PDCD1LG2: variants seen among roughly 807,000 people sequenced by gnomAD.
PDCD1LG2 encodes B7 dendritic cell molecule.
In PDCD1LG2, 32 loss-of-function variants were observed where a neutral mutation model predicts 28.2. That is an observed-to-expected ratio of 1.13 (90% CI 0.86 to 1.52). PDCD1LG2 has a LOEUF of 1.52. Ranked by LOEUF, PDCD1LG2 falls within the 40% of genes most tolerant of loss-of-function variation. PDCD1LG2 has a pLI of 0.00. For missense variants in PDCD1LG2, 385 were observed against 323.8 expected, an observed-to-expected ratio of 1.19 and a Z score of -1.45; for synonymous variants, 116 against 120.2, an observed-to-expected ratio of 0.97 and a Z score of 0.23.
At chr9:5,514,269 A>C (rs948268311) in intron 1 of PDCD1LG2, among the ~76,000 whole-genome samples, 2 of 152,212 alleles carry the variant, frequency 1.3e-5, no homozygotes, top group African/African-American at 4.8e-5. Flanking sequence ...AGTAAATACC[A>C]AGTAAATGTT....
At chr9:5,559,819 GC>G (rs1177530233) in intron 5 of PDCD1LG2, among the ~76,000 whole-genome samples, 1 of 152,138 alleles carries the variant, frequency 6.6e-6, no homozygotes, top group African/African-American at 2.4e-5. Flanking sequence ...GTTCCAACGA[GC>G]CCAGGATGGT....
chr9:5,528,114 G>T (rs897752648), intron 2 of PDCD1LG2, among the ~76,000 whole-genome samples: 11 of 151,686 alleles, frequency 7.3e-5, no homozygotes, highest in African/African-American at 2.7e-4. Flanking sequence ...ACAGGCATGA[G>T]CCACCACGCC....
At chr9:5,549,970 G>A (rs1289023305) in intron 4 of PDCD1LG2, among the ~76,000 whole-genome samples, 1 of 152,160 alleles carries the variant, frequency 6.6e-6, no homozygotes, top group Non-Finnish European at 1.5e-5. Flanking sequence ...CCTCCCATTG[G>A]CTGAACCCAG....
intron 3 of PDCD1LG2, among the ~76,000 whole-genome samples, chr9:5,538,242 C>A (rs772088678): frequency 6.6e-6 from 1 of 152,048 alleles, no homozygotes; most frequent in Non-Finnish European, 1.5e-5. Flanking sequence ...CAGTCTCATT[C>A]CCCTTTTTTA....
intron 3 of PDCD1LG2, among the ~76,000 whole-genome samples, chr9:5,547,392 G>A (rs754345094): frequency 2.0e-5 from 3 of 152,062 alleles, no homozygotes; most frequent in Admixed American, 6.6e-5. Flanking sequence ...ATATCAACAG[G>A]TGACTTTCCA....
chr9:5,525,962 G>A (rs755454492), intron 2 of PDCD1LG2, among the ~76,000 whole-genome samples: 5 of 150,700 alleles, frequency 3.3e-5, no homozygotes, highest in African/African-American at 4.9e-5. Flanking sequence ...CAGGAGAATC[G>A]CTTGAACCAG....
chr9:5,557,517 C>G, intron 4 of PDCD1LG2, 101 bp from the exon 5 acceptor site: 1 of 1,380,798 alleles, frequency 7.2e-7, no homozygotes, highest in Non-Finnish European at 1.0e-6. Flanking sequence ...AAATGCTCCA[C>G]AGAGCTAGCC....
chr9:5,561,926 A>G (rs1816571042), intron 5 of PDCD1LG2, among the ~76,000 whole-genome samples: 1 of 152,228 alleles, frequency 6.6e-6, no homozygotes, highest in African/African-American at 2.4e-5. Context: ...TGAAGCCAAC[A>G]TTCAAGAGCA....
intron 2 of PDCD1LG2, among the ~76,000 whole-genome samples, chr9:5,533,129 TTGAA>T (rs992100629): frequency 3.9e-5 from 6 of 152,244 alleles, no homozygotes; most frequent in Non-Finnish European, 5.9e-5. Context: ...AATGATTTGA[TTGAA>T]TGAATGAATA....
intron 2 of PDCD1LG2, among the ~76,000 whole-genome samples, chr9:5,528,709 T>C (rs1319171988): frequency 2.0e-5 from 3 of 152,232 alleles, no homozygotes; most frequent in Non-Finnish European, 4.4e-5. Flanking sequence ...GTTTAATTAT[T>C]GTTTATTTTC....
intron 4 of PDCD1LG2, among the ~76,000 whole-genome samples, chr9:5,553,995 C>G (rs900701241): frequency 8.5e-5 from 13 of 152,112 alleles, no homozygotes; most frequent in African/African-American, 3.1e-4. Context: ...ATTTCCCTCT[C>G]TACTAGCTCC....
In PDCD1LG2 at chr9:5,546,446, G is replaced by C. The variant is rs1483721375; in HGVS notation, c.362-2889G>C. 3.3e-5 allele frequency among the ~76,000 whole-genome samples: 5 copies of C among 152,066 alleles called. No individual in the cohort carries two copies. The South Asian group carries it at 1.0e-3, about 32-fold the overall frequency. The stretch of plus-strand genomic sequence containing the variant: ...TGTAGATAAATAATACAAAATGAGA[G>C]ATAAAGTGAGTACTCGAAATACACA... On this transcript the variant is annotated intron_variant, in intron 3 of 6. Coordinates refer to ENST00000397747, the MANE Select transcript of PDCD1LG2 (RefSeq NM_025239.4).
At chr9:5,561,240 C>G (rs961147184) in intron 5 of PDCD1LG2, among the ~76,000 whole-genome samples, 4 of 152,162 alleles carry the variant, frequency 2.6e-5, no homozygotes, top group African/African-American at 9.7e-5. Context: ...TAGCCATGTA[C>G]AGATAATTGC....
chr9:5,529,377 A>G (rs968579681), intron 2 of PDCD1LG2, among the ~76,000 whole-genome samples: 3 of 152,148 alleles, frequency 2.0e-5, no homozygotes, highest in Non-Finnish European at 4.4e-5. Flanking sequence ...GTAGATGTTC[A>G]GTTGTTCCAG....
chr9:5,520,554 T>C (rs1376414650), intron 1 of PDCD1LG2, among the ~76,000 whole-genome samples: 1 of 152,196 alleles, frequency 6.6e-6, no homozygotes, highest in African/African-American at 2.4e-5. Flanking sequence ...TAGCAGAAAA[T>C]ACAGATGTAA....
rs1273565158 is a variant in PDCD1LG2 at position 5,532,795 on chromosome 9, T to C, written c.56-1950T>C. Among the ~76,000 whole-genome samples, 2 of 152,200 alleles carry C rather than the reference T, an allele frequency of 1.3e-5. 1 individual carries two copies. On this transcript the variant is annotated intron_variant, in intron 2 of 6. Coordinates refer to ENST00000397747, the MANE Select transcript of PDCD1LG2 (RefSeq NM_025239.4). Reference sequence around the variant, plus strand: ...ATATGAATTACCACTTTCCCAAGAATTAAAACATGGTACGAAAGAAAGGAA... The same window carrying C: ...ATATGAATTACCACTTTCCCAAGAACTAAAACATGGTACGAAAGAAAGGAA...
chr9:5,527,303 C>CA (rs2129753293), intron 2 of PDCD1LG2, among the ~76,000 whole-genome samples: 1 of 152,256 alleles, frequency 6.6e-6, no homozygotes, highest in East Asian at 1.9e-4. Context: ...AACAAACAAA[C>CA]AAACAAAAAG....
At chr9:5,562,102 T>C (rs776094083) in intron 5 of PDCD1LG2, among the ~76,000 whole-genome samples, 1 of 152,180 alleles carries the variant, frequency 6.6e-6, no homozygotes, top group Non-Finnish European at 1.5e-5. Context: ...AATGGACTGA[T>C]TTCAGGAACC....
At chr9:5,513,088 A>G (rs1182382115) in intron 1 of PDCD1LG2, among the ~76,000 whole-genome samples, 5 of 152,134 alleles carry the variant, frequency 3.3e-5, no homozygotes, top group Non-Finnish European at 7.4e-5. Flanking sequence ...AAAAAATTAG[A>G]TGTAATCTTT....
Sources: gnomAD v4.1 joint callset for allele counts (sites outside exome capture counted in the v4.1 genomes callset) on GRCh38, gnomAD v4.1.1 for gene constraint, MANE v1.5 for transcripts, NCBI Gene and HGNC (gene_info 2026-07-23, HGNC 2026-07-21) for gene names.